RFX1: variants seen among roughly 807,000 people sequenced by gnomAD.
RFX1 encodes the protein MHC class II regulatory factor RFX1.
Under a neutral mutation model 119.6 loss-of-function variants are expected in RFX1, and 42 were observed. That is an observed-to-expected ratio of 0.35 (90% CI 0.27 to 0.45). RFX1 has a LOEUF of 0.45. Among genes scored for constraint, RFX1 ranks in the 20% least tolerant of loss-of-function variants. RFX1 has a pLI of 1.00. For missense variants in RFX1, 1,118 were observed against 1,368.1 expected (o/e 0.82, Z 2.88); for synonymous variants, 628 against 618.5 (o/e 1.02, Z -0.23).
At chr19:14,002,150 C>T (rs974679817) in intron 1 of RFX1, among the ~76,000 whole-genome samples, 9 of 149,734 alleles carry the variant, frequency 6.0e-5, no homozygotes, top group Admixed American at 4.0e-4. Context: ...TAAACCAAAC[C>T]GAAACAAAAC....
rs759160183 is a variant in RFX1, at chr19:13,966,717, G to A, written c.1767C>T (p.Leu589=). The A allele has an allele frequency of 2.8e-5, 45 of 1,610,694 alleles. No homozygotes were observed. The Admixed American group carries it at 6.9e-4, about 25-fold the overall frequency. Residue 589 remains leucine, a synonymous_variant, in exon 13 of 21, where the codon CTC becomes CTT. Coordinates refer to ENST00000254325, the MANE Select transcript of RFX1 (RefSeq NM_002918.5). This position sits in a 1 kb window ranked among gnomAD's most constrained non-coding sequence, Gnocchi z 6.3. ...CAGGCAGCACCTTGCCCTGGAGGTC[G>A]AGCTCTGTGAAGTCAGGGAGGCTCC... is the stretch of plus-strand genomic sequence containing the variant. ...ASRSLPDFTE[L]DLQGKVLPEG... is the part of the protein sequence containing the mutation.
At chr19:13,963,456 C>A in intron 18 of RFX1, 82 bp downstream of exon 18, 4 of 1,462,038 alleles carry the variant, frequency 2.7e-6, no homozygotes, top group South Asian at 1.2e-5. Flanking sequence ...AGGCTCGGGT[C>A]GTCGTAGAAG....
At chr19:13,994,545 G>T (rs1000232840) in intron 1 of RFX1, among the ~76,000 whole-genome samples, 1 of 151,906 alleles carries the variant, frequency 6.6e-6, no homozygotes. Context: ...GTGAAACCCC[G>T]TCTCTACTAA....
Position 13,965,403 on chromosome 19 carries a change from G to A in RFX1, c.2211+46C>T, listed in dbSNP as rs1429491460. ...CCCCTGGGGAGCAGAGGAGACGGAG[G>A]CCTAAGCCCCAGAGATAGGAGAAAG... On this transcript the variant is annotated intron_variant, in intron 16 of 20. Transcript: ENST00000254325. The surrounding 1 kb of genome is among the most constrained non-coding windows in gnomAD (Gnocchi z 4.7). The A allele has an allele frequency of 1.3e-6, 2 of 1,540,062 alleles. No individual in the cohort carries two copies. The highest frequency in any genetic ancestry group is 2.7e-5 in the African/African-American group (2 of 73,482).
chr19:13,997,634 G>T (rs1464061045), intron 1 of RFX1, among the ~76,000 whole-genome samples: 3 of 152,246 alleles, frequency 2.0e-5, no homozygotes, highest in Non-Finnish European at 4.4e-5. Context: ...GCTTACACTT[G>T]CCTCTTGGAT....
At chr19:13,977,408 T>C (rs983508314) in intron 8 of RFX1, among the ~76,000 whole-genome samples, 3 of 151,622 alleles carry the variant, frequency 2.0e-5, no homozygotes, top group African/African-American at 4.9e-5. Flanking sequence ...TGGGACAGGG[T>C]TGAGAGTCAA....
intron 2 of RFX1, among the ~76,000 whole-genome samples, chr19:13,987,884 A>G (rs1974657325): frequency 6.6e-6 from 1 of 152,204 alleles, no homozygotes; most frequent in Admixed American, 6.5e-5. Context: ...TCATGGGTAC[A>G]GAGTACCCTC....
At position 13,969,938 on chromosome 19, in the gene RFX1, C is replaced by T; in HGVS notation, c.1496+56G>A. 1 of 1,504,392 alleles carries T rather than the reference C, an allele frequency of 6.6e-7. No homozygotes were observed. The highest frequency in any genetic ancestry group is 1.9e-5 in the Admixed American group (1 of 51,440). The allele number at this position is 1,504,392 out of a possible 1,614,324, so 93.2% of individuals were successfully genotyped here. Reference sequence around the variant, plus strand: ...TGAGATGACTCGGAGTGGGGGTGGGCCTTGGCATGCCCACCAATTCCCCAG... The same window carrying T: ...TGAGATGACTCGGAGTGGGGGTGGGTCTTGGCATGCCCACCAATTCCCCAG... On this transcript the variant is annotated intron_variant, in intron 10 of 20. Transcript: ENST00000254325. The surrounding 1 kb of genome is among the most constrained non-coding windows in gnomAD (Gnocchi z 4.5).
intron 8 of RFX1, among the ~76,000 whole-genome samples, chr19:13,973,468 C>T (rs1599485350): frequency 6.6e-6 from 1 of 152,068 alleles, no homozygotes; most frequent in Non-Finnish European, 1.5e-5. Flanking sequence ...GAAGATTAGC[C>T]AGGCATGCTG....
rs761779376 is a variant in RFX1 at position 13,968,526 on chromosome 19, A to G, written c.1732+39T>C. 6.6e-7 allele frequency: 1 copy of G among 1,505,104 alleles called. No individual in the cohort carries two copies. 93.2% of individuals were successfully genotyped at this position (1,505,104 alleles called of 1,614,324 possible). A position where few individuals can be genotyped will look rare whatever the true frequency, so the allele number is the denominator to read the frequency against. On this transcript the variant is annotated intron_variant, in intron 12 of 20. Coordinates refer to ENST00000254325, the MANE Select transcript of RFX1 (RefSeq NM_002918.5). The surrounding 1 kb of genome is among the most constrained non-coding windows in gnomAD (Gnocchi z 5.5). ...TGGGAACCGTCTGCACGGGGCAGGG[A>G]GGCGGTGGTTGGGGAAGCACGGGCC...
At position 13,992,465 on chromosome 19, in the gene RFX1, AG is replaced by A. The variant is rs527885396; in HGVS notation, c.319+1059del. ...GTCCAAGATGGCCTGCTCTCAACAC[AG>A]GTCCTGCGTGCCTTAGCTTATGTCA... is the stretch of plus-strand genomic sequence containing the variant. On this transcript the variant is annotated intron_variant, in intron 2 of 20. Transcript: ENST00000254325. 3.3e-4 allele frequency among the ~76,000 whole-genome samples: 51 copies of A among 152,330 alleles called. 1 individual carries two copies. In the East Asian group the frequency reaches 9.3e-3, roughly 28 times the overall value.
Position 13,962,450 on chromosome 19 carries a change from G to A in RFX1, c.*245C>T, listed in dbSNP as rs1365432727. 4.0e-6 allele frequency: 2 copies of A among 505,504 alleles called. No homozygotes were observed. Among genetic ancestry groups the A allele is most frequent in the South Asian group, 5.0e-5 (2 of 40,282 alleles). 31.3% of individuals were successfully genotyped at this position (505,504 alleles called of 1,614,324 possible). A position where few individuals can be genotyped will look rare whatever the true frequency, so the allele number is the denominator to read the frequency against. On this transcript the variant is annotated 3_prime_UTR_variant, in exon 21 of 21. Transcript: ENST00000254325. Reference sequence around the variant, plus strand: ...AAGGGGCCGAGCTGGATGCCCCGCGGGGCACCTGGGCACGCGGCGGGTTCC... The same window carrying A: ...AAGGGGCCGAGCTGGATGCCCCGCGAGGCACCTGGGCACGCGGCGGGTTCC...
intron 1 of RFX1, among the ~76,000 whole-genome samples, chr19:14,005,032 C>A (rs1975327560): frequency 6.6e-6 from 1 of 152,134 alleles, no homozygotes; most frequent in Non-Finnish European, 1.5e-5. Flanking sequence ...ATGTGTCTGG[C>A]CAAGAGAAGC....
Position 13,993,656 on chromosome 19 carries a change from G to C in RFX1, c.188C>G (p.Pro63Arg). The change falls in exon 2 of 21, where the codon CCC (proline) becomes CGC (arginine). Residue 63 changes from proline to arginine, a missense_variant. By Grantham distance (103) the Pro-to-Arg change is moderately radical (BLOSUM62 -2). This residue lies in a region of RFX1 where 542 missense variants were observed against 602.7 expected (regional missense o/e 0.90). Transcript: ENST00000254325. ...CTGGCCACCCGGTGGCTGTGCCTGGGGCTGGGGGCTCTGCAGCTCGGTGAC... is the reference window on the plus strand; with the variant it reads ...CTGGCCACCCGGTGGCTGTGCCTGGCGCTGGGGGCTCTGCAGCTCGGTGAC... ...QYVTELQSPQ[P>R]QAQPPGGQKQ... The C allele has an allele frequency of 6.2e-7, 1 of 1,602,472 alleles. No homozygotes were observed. Among genetic ancestry groups the C allele is most frequent in the Non-Finnish European group, 8.5e-7 (1 of 1,173,684 alleles).
Position 13,980,752 on chromosome 19 carries a change from T to TCGAATC in RFX1, c.622-64_622-63insGATTCG. 2 of 939,462 alleles carry TCGAATC rather than the reference T, an allele frequency of 2.1e-6. No individual in the cohort carries two copies. Among genetic ancestry groups the TCGAATC allele is most frequent in the South Asian group, 1.5e-5 (1 of 64,630 alleles). The allele number at this position is 939,462 out of a possible 1,614,324, so 58.2% of individuals were successfully genotyped here. A position where few individuals can be genotyped will look rare whatever the true frequency, so the allele number is the denominator to read the frequency against. Reference sequence around the variant, plus strand: ...GGCTTGCATCCTCTCTGAGGTGGGCTCACACACACACCCTTCTCAGGAGAG... The same window carrying TCGAATC: ...GGCTTGCATCCTCTCTGAGGTGGGCTCGAATCCACACACACACCCTTCTCAGGAGAG... On this transcript the variant is annotated intron_variant, in intron 5 of 20. Transcript: ENST00000254325. This position sits in a 1 kb window ranked among gnomAD's most constrained non-coding sequence, Gnocchi z 5.1.
chr19:13,982,939 A>ACCACC, intron 4 of RFX1: 2 of 522,142 alleles, frequency 3.8e-6, no homozygotes, highest in South Asian at 4.9e-5. Context: ...GGACCCGCAA[A>ACCACC]CCACCTTCCC....
rs754632913 is a variant in RFX1 at position 13,968,666 on chromosome 19, T to C, written c.1631A>G (p.Gln544Arg). ...FSQKQRLKPI[Q>R]KMEGMTNGVA... ...GCCGTTGGTCATGCCTTCCATCTTC[T>C]GGATGGGCTTGAGCCTGGAGTAGAA... The change falls in exon 12 of 21, where the codon CAG (glutamine) becomes CGG (arginine). Residue 544 changes from glutamine to arginine, a missense_variant. This residue lies in a region of RFX1 where 338 missense variants were observed against 508.9 expected (regional missense o/e 0.66). Transcript: ENST00000254325. The surrounding 1 kb of genome is among the most constrained non-coding windows in gnomAD (Gnocchi z 5.5). 1.1e-5 allele frequency: 17 copies of C among 1,613,140 alleles called. No homozygotes were observed. The highest frequency in any genetic ancestry group is 1.4e-5 in the Non-Finnish European group (17 of 1,179,892).
In RFX1 at chr19:13,986,770, C is replaced by T. The variant is rs58996937; in HGVS notation, c.320-3175G>A. Among the ~76,000 whole-genome samples the T allele has an allele frequency of 8.7e-3, 1,321 of 152,234 alleles. 25 individuals are homozygous for T. Among genetic ancestry groups the T allele is most frequent in the African/African-American group, 0.03 (1,242 of 41,530 alleles). On this transcript the variant is annotated intron_variant, in intron 2 of 20. Coordinates refer to ENST00000254325, the MANE Select transcript of RFX1 (RefSeq NM_002918.5). The surrounding 1 kb of genome is among the most constrained non-coding windows in gnomAD (Gnocchi z 4.2). ...GGGCACCCATCCTCCCCGGGCCCCGCACTTCCCCATCTAGACCTACTCAAA... is the reference window on the plus strand; with the variant it reads ...GGGCACCCATCCTCCCCGGGCCCCGTACTTCCCCATCTAGACCTACTCAAA...
chr19:13,963,942 C>A lies in RFX1; in HGVS notation c.2277G>T (p.Gln759His). The A allele has an allele frequency of 6.5e-7, 1 of 1,545,602 alleles. No homozygotes were observed. Among genetic ancestry groups the A allele is most frequent in the East Asian group, 2.4e-5 (1 of 40,996 alleles). ...RRYTSLNHLA[Q>H]AARAVLQNTA... ...TGTTCTGCAGCACAGCGCGCGCCGC[C>A]TGCGCCAGGTGGTTGAGCGACGTGT... The change falls in exon 17 of 21, where the codon CAG becomes CAT. Residue 759 changes from glutamine to histidine, a missense_variant. By Grantham distance (24) the Gln-to-His change is conservative. Transcript: ENST00000254325.
Sources: gnomAD v4.1 joint callset for allele counts (sites outside exome capture counted in the v4.1 genomes callset) on GRCh38, gnomAD v4.1.1 for gene constraint, gnomAD v4.1.1 regional missense constraint, Gnocchi (gnomAD v3.1) non-coding constraint, MANE v1.5 for transcripts, NCBI Gene and HGNC (gene_info 2026-07-23, HGNC 2026-07-21) for gene names.